The following DNAH17 variants were observed in gnomAD, a reference collection of about 807,000 sequenced individuals.
DNAH17 encodes the protein dynein axonemal heavy chain 17.
DNAH17 carries 376 observed loss-of-function variants against 485.6 expected under a neutral mutation model. The ratio of observed to expected loss-of-function variants is 0.77; its 90% CI spans 0.71 to 0.84. The LOEUF (loss-of-function observed/expected upper bound fraction) is 0.84. Ranked by LOEUF, DNAH17 falls within the 40% of genes least tolerant of loss-of-function variation. The pLI is 0.00. For missense variants in DNAH17, 6,370 were observed against 5,839.3 expected (o/e 1.09, Z -2.96); for synonymous variants, 3,031 against 2,405.9 (o/e 1.26, Z -7.60).
intron 25 of DNAH17, among the ~76,000 whole-genome samples, chr17:78,521,080 C>T (rs2143193496): frequency 6.6e-6 from 1 of 152,228 alleles, no homozygotes; most frequent in East Asian, 1.9e-4. Flanking sequence ...CTAAGGTGCC[C>T]AACTGACTTT....
Position 78,459,880 on chromosome 17 carries a change from G to A in DNAH17, c.9557C>T (p.Ala3186Val), listed in dbSNP as rs747233018. 2.4e-5 allele frequency: 38 copies of A among 1,613,924 alleles called. No individual in the cohort carries two copies. Among genetic ancestry groups the A allele is most frequent in the East Asian group, 8.9e-5 (4 of 44,898 alleles). Residue 3186 changes from alanine to valine, a missense_variant, in exon 60 of 81, where the codon GCG becomes GTG. Transcript: ENST00000389840. The stretch of plus-strand genomic sequence containing the variant: ...CACCTTGCCCATCATGATCTTGGCC[G>A]CCTTCCAGCTCTTGTCCTTGGGGAT... ...GKIPKDKSWK[A>V]AKIMMGKVDT...
intron 24 of DNAH17, 110 bp downstream of exon 24, chr17:78,526,541 G>A (rs1050833405): frequency 1.1e-6 from 1 of 917,598 alleles, no homozygotes; most frequent in South Asian, 1.8e-5. Context: ...CGGCCCCAAG[G>A]TCAGTCCGGC....
Position 78,450,762 on chromosome 17 carries a change from A to C in DNAH17, c.10819T>G (p.Ser3607Ala), listed in dbSNP as rs767408408. 26 of 1,613,842 alleles carry C rather than the reference A, an allele frequency of 1.6e-5. No individual in the cohort carries two copies. The highest frequency in any genetic ancestry group is 1.9e-5 in the Non-Finnish European group (23 of 1,179,884). The change falls in exon 67 of 81, where the codon TCG (serine) becomes GCG (alanine). Residue 3607 changes from serine to alanine, a missense_variant. By Grantham distance (99) the Ser-to-Ala change is moderately conservative. Coordinates refer to ENST00000389840, the MANE Select transcript of DNAH17 (RefSeq NM_173628.4). ...GCCGTGTCTCCCAGAAAGTTCCCCGACGCAGCCGACAGACGGGCCAGGAGC... is the reference window on the plus strand; with the variant it reads ...GCCGTGTCTCCCAGAAAGTTCCCCGCCGCAGCCGACAGACGGGCCAGGAGC... Reference protein sequence around the residue: ...DSLLARLSAASGNFLGDTALV... With the variant: ...DSLLARLSAAAGNFLGDTALV...
intron 73 of DNAH17, among the ~76,000 whole-genome samples, chr17:78,438,070 A>G (rs1199436431): frequency 6.6e-6 from 1 of 152,076 alleles, no homozygotes; most frequent in Non-Finnish European, 1.5e-5. Context: ...CGGCGAAGCA[A>G]CTGAGGCCCC....
intron 52 of DNAH17, 120 bp downstream of exon 52, chr17:78,476,452 G>C: frequency 8.2e-7 from 1 of 1,219,440 alleles, no homozygotes; most frequent in Admixed American, 2.8e-5. Context: ...ACCTAACACG[G>C]ATCTTCCCAC....
chr17:78,504,609 C>T (rs2090424680), intron 31 of DNAH17, among the ~76,000 whole-genome samples: 1 of 152,004 alleles, frequency 6.6e-6, no homozygotes, highest in African/African-American at 2.4e-5. Context: ...TTGTATTTTC[C>T]TCAGGCTGAT....
rs376272117 is a variant in DNAH17 at position 78,475,511 on chromosome 17, G to A, written c.8320-42C>T. 72 of 1,612,102 alleles carry A rather than the reference G, an allele frequency of 4.5e-5. No homozygotes were observed. In the African/African-American group the frequency reaches 7.6e-4, roughly 17 times the overall value. On this transcript the variant is annotated intron_variant, in intron 53 of 80. Transcript: ENST00000389840. ...GATCCCACAACATCTTGTAGCACCT[G>A]GAATCACCTCTGTCACCAGCACGGA...
Position 78,459,944 on chromosome 17 carries a change from T to A in DNAH17, c.9493A>T (p.Thr3165Ser), listed in dbSNP as rs769632393. The A allele has an allele frequency of 6.2e-6, 10 of 1,613,694 alleles. No individual in the cohort carries two copies. Among genetic ancestry groups the A allele is most frequent in the Non-Finnish European group, 8.5e-6 (10 of 1,179,872 alleles). The change falls in exon 60 of 81, where the codon ACC (threonine) becomes TCC (serine). Residue 3165 changes from threonine (T) to serine (S), a missense_variant. Thr to Ser is a moderately conservative substitution (Grantham distance 58). Coordinates refer to ENST00000389840, the MANE Select transcript of DNAH17 (RefSeq NM_173628.4). ...GCGGTCAGAATCATGACGGCGGCGG[T>A]GACGTTGACCACAGCATCCGGCGGG... ...GSPPDAVVNV[T>S]AAVMILTAPG...
At chr17:78,565,996 A>C (rs533082885) in intron 11 of DNAH17, among the ~76,000 whole-genome samples, 1 of 152,112 alleles carries the variant, frequency 6.6e-6, no homozygotes, top group African/African-American at 2.4e-5. Context: ...AAAAACAAAC[A>C]AACCCCTTAA....
intron 25 of DNAH17, among the ~76,000 whole-genome samples, chr17:78,517,270 C>T (rs1187236982): frequency 6.6e-6 from 1 of 152,210 alleles, no homozygotes; most frequent in Non-Finnish European, 1.5e-5. Context: ...TCTCAAACTC[C>T]CGGCCTCAAG....
In DNAH17 at chr17:78,439,106, T is replaced by C. The variant is rs2086968565; in HGVS notation, c.11789A>G (p.His3930Arg). 2.5e-6 allele frequency: 4 copies of C among 1,613,320 alleles called. No individual in the cohort carries two copies. In the African/African-American group the frequency reaches 4.0e-5, roughly 16 times the overall value. The part of the protein sequence containing the change: ...NALDVAAEKG[H>R]WVILQNIHLV... ...CCCTCGTACCTGCAGAATGACCCAG[T>C]GTCCTTTCTCTGCAGCCACGTCCAG... The change falls in exon 73 of 81, where the codon CAC (histidine) becomes CGC (arginine). Residue 3930 changes from histidine to arginine, a missense_variant. By Grantham distance (29) the His-to-Arg change is conservative. Coordinates refer to ENST00000389840, the MANE Select transcript of DNAH17 (RefSeq NM_173628.4).
intron 48 of DNAH17, among the ~76,000 whole-genome samples, chr17:78,481,179 T>C (rs2089333479): frequency 6.8e-6 from 1 of 147,736 alleles, no homozygotes; most frequent in African/African-American, 2.5e-5. Context: ...CTTGGCTCAC[T>C]GCAACCTCCG....
intron 53 of DNAH17, 30 bp from the exon 54 acceptor site, chr17:78,475,499 C>G (rs577950182): frequency 3.1e-6 from 5 of 1,612,816 alleles, no homozygotes; most frequent in Non-Finnish European, 4.2e-6. Flanking sequence ...CCCACAACAT[C>G]TTGTAGCACC....
intron 46 of DNAH17, 94 bp downstream of exon 46, chr17:78,485,863 GGTT>G: frequency 2.5e-6 from 4 of 1,568,956 alleles, no homozygotes; most frequent in Non-Finnish European, 3.5e-6. Flanking sequence ...GTTGAAAATC[GGTT>G]GTGTTTGGAC....
At chr17:78,433,975 A>AGGAG (rs1242210841) in intron 75 of DNAH17, 54 bp downstream of exon 75, 13 of 1,386,400 alleles carry the variant, frequency 9.4e-6, no homozygotes, top group South Asian at 8.5e-5. Context: ...GAGGGAGGGA[A>AGGAG]GGAGGGAAAG....
chr17:78,529,884 C>T (rs924031563), intron 21 of DNAH17, among the ~76,000 whole-genome samples, 190 bp from the exon 22 acceptor site: 3 of 152,206 alleles, frequency 2.0e-5, no homozygotes, highest in Non-Finnish European at 4.4e-5. Flanking sequence ...CCAGACATCA[C>T]CCCAAGCCTC....
chr17:78,539,480 G>A (rs2091464470), intron 18 of DNAH17, among the ~76,000 whole-genome samples: 1 of 152,122 alleles, frequency 6.6e-6, no homozygotes, highest in African/African-American at 2.4e-5. Flanking sequence ...CAGCCTCTTA[G>A]GTCTCTTGAG....
At chr17:78,477,616 A>G (rs943381478) in intron 51 of DNAH17, among the ~76,000 whole-genome samples, 1 of 152,076 alleles carries the variant, frequency 6.6e-6, no homozygotes, top group African/African-American at 2.4e-5. Flanking sequence ...TGACCTCGTG[A>G]TCTGCCCGCC....
At chr17:78,531,157 C>G (rs2091225318) in intron 20 of DNAH17, among the ~76,000 whole-genome samples, 1 of 152,042 alleles carries the variant, frequency 6.6e-6, no homozygotes, top group Non-Finnish European at 1.5e-5. Context: ...AAAACCCTAA[C>G]TGTTACTGTA....
Sources: gnomAD v4.1 joint callset for allele counts (sites outside exome capture counted in the v4.1 genomes callset) on GRCh38, gnomAD v4.1.1 for gene constraint, MANE v1.5 for transcripts, NCBI Gene and HGNC (gene_info 2026-07-23, HGNC 2026-07-21) for gene names.